KIAA1958: variants seen among roughly 807,000 people sequenced by gnomAD.
The protein encoded by KIAA1958 is KIAA1958.
A neutral mutation model predicts 47.2 loss-of-function variants in KIAA1958; 14 were observed. The ratio of observed to expected loss-of-function variants is 0.30; its 90% CI spans 0.20 to 0.46. The LOEUF (loss-of-function observed/expected upper bound fraction) is 0.46. Ranked by LOEUF, KIAA1958 falls within the 20% of genes least tolerant of loss-of-function variation. KIAA1958 has a pLI of 1.00. For synonymous variants in KIAA1958, 354 were observed against 353.3 expected (o/e 1.00, Z -0.02); for missense variants, 803 against 909.2 (o/e 0.88, Z 1.50).
At chr9:112,556,784 T>A (rs62568603) in intron 1 of KIAA1958, among the ~76,000 whole-genome samples, 15,603 of 152,186 alleles carry the variant, frequency 0.1, 1,240 homozygotes, top group East Asian at 0.19. Flanking sequence ...TCTGAATCAT[T>A]GCTATGCTTA....
intron 2 of KIAA1958, among the ~76,000 whole-genome samples, chr9:112,616,963 C>T (rs557920806): frequency 9.2e-5 from 14 of 152,348 alleles, no homozygotes; most frequent in Admixed American, 2.6e-4. Flanking sequence ...ACACCTGCTA[C>T]GTGGTAATCT....
intron 2 of KIAA1958, among the ~76,000 whole-genome samples, chr9:112,615,075 T>C (rs968872102): frequency 6.6e-6 from 1 of 152,192 alleles, no homozygotes; most frequent in Non-Finnish European, 1.5e-5. Flanking sequence ...TTTTTCAATA[T>C]GTTTCAATCA....
intron 2 of KIAA1958, among the ~76,000 whole-genome samples, chr9:112,591,858 T>C (rs571042722): frequency 5.9e-5 from 9 of 152,326 alleles, no homozygotes; most frequent in African/African-American, 2.2e-4. Context: ...ATATAAAATT[T>C]TCTTTTTAAT....
chr9:112,575,926 A>G (rs550611832), intron 2 of KIAA1958, among the ~76,000 whole-genome samples: 6 of 152,274 alleles, frequency 3.9e-5, no homozygotes, highest in Admixed American at 2.0e-4. Flanking sequence ...CTGACATTCA[A>G]TGTTTATTTA....
intron 2 of KIAA1958, among the ~76,000 whole-genome samples, chr9:112,586,486 A>G (rs1835824517): frequency 6.6e-6 from 1 of 152,180 alleles, no homozygotes. Flanking sequence ...CTGAGAAATT[A>G]TGTTTCAATA....
At chr9:112,557,378 G>A (rs1438518199) in intron 1 of KIAA1958, among the ~76,000 whole-genome samples, 2 of 152,178 alleles carry the variant, frequency 1.3e-5, no homozygotes, top group Non-Finnish European at 2.9e-5. Context: ...GGATCACAGA[G>A]CACAAAGATG....
At chr9:112,580,574 G>A (rs1835718908) in intron 2 of KIAA1958, among the ~76,000 whole-genome samples, 1 of 152,170 alleles carries the variant, frequency 6.6e-6, no homozygotes, top group Non-Finnish European at 1.5e-5. Flanking sequence ...ATCACCTGAG[G>A]TCAGGAGTTC....
At chr9:112,514,628 AG>A (rs1834382874) in intron 1 of KIAA1958, among the ~76,000 whole-genome samples, 1 of 8,654 alleles carries the variant, frequency 1.2e-4, no homozygotes, top group Non-Finnish European at 1.9e-4. Flanking sequence ...GGAGGGAGGT[AG>A]GGGGGTCAGC....
chr9:112,568,072 C>T (rs945024400), intron 1 of KIAA1958, among the ~76,000 whole-genome samples: 2 of 146,890 alleles, frequency 1.4e-5, no homozygotes, highest in Non-Finnish European at 3.0e-5. Context: ...AACATAAAAA[C>T]ACAGCAGAAC....
chr9:112,614,896 C>G (rs1836385327), intron 2 of KIAA1958, among the ~76,000 whole-genome samples: 1 of 152,142 alleles, frequency 6.6e-6, no homozygotes, highest in Non-Finnish European at 1.5e-5. Context: ...TGACAACATC[C>G]ACACCAGCAT....
chr9:112,612,474 T>A (rs1277584640), intron 2 of KIAA1958, among the ~76,000 whole-genome samples: 1 of 151,962 alleles, frequency 6.6e-6, no homozygotes, highest in African/African-American at 2.4e-5. Flanking sequence ...ATATCCAGAG[T>A]TCCTATAAAT....
Position 112,667,419 on chromosome 9 carries a change from T to C in KIAA1958, c.*7350T>C, listed in dbSNP as rs998284940. On this transcript the variant is annotated 3_prime_UTR_variant, in exon 4 of 4. Transcript: ENST00000337530. Reference sequence around the variant, plus strand: ...TGGTGAACCCCGTCTCTACTAAAAATACAAATATTAGCCGGGCATGGTAGC... The same window carrying C: ...TGGTGAACCCCGTCTCTACTAAAAACACAAATATTAGCCGGGCATGGTAGC... The C allele has an allele frequency of 6.6e-6, 1 of 152,018 alleles. No homozygotes were observed. Among genetic ancestry groups the C allele is most frequent in the Non-Finnish European group, 1.5e-5 (1 of 68,018 alleles). The allele number at this position is 152,018 out of a possible 1,614,324, so 9.4% of individuals were successfully genotyped here. A position where few individuals can be genotyped will look rare whatever the true frequency, so the allele number is the denominator to read the frequency against.
intron 2 of KIAA1958, among the ~76,000 whole-genome samples, chr9:112,599,083 A>T (rs908916206): frequency 6.6e-6 from 1 of 152,152 alleles, no homozygotes; most frequent in African/African-American, 2.4e-5. Context: ...AAAAAAAAGG[A>T]AAGTAATATT....
intron 1 of KIAA1958, among the ~76,000 whole-genome samples, chr9:112,526,309 A>T (rs1481345987): frequency 1.3e-5 from 2 of 151,856 alleles, no homozygotes; most frequent in Admixed American, 1.3e-4. Flanking sequence ...ACTGAAGTGC[A>T]GTGGCACTGT....
chr9:112,527,936 CAAA>C (rs34568466), intron 1 of KIAA1958, among the ~76,000 whole-genome samples: 28 of 124,906 alleles, frequency 2.2e-4, no homozygotes, highest in Non-Finnish European at 2.4e-4. Flanking sequence ...GACCCTTTCT[CAAA>C]AAAAAAAAAA....
At chr9:112,545,839 T>TTTTTTTTTTTTTTTG (rs1835021894) in intron 1 of KIAA1958, among the ~76,000 whole-genome samples, 1 of 150,112 alleles carries the variant, frequency 6.7e-6, no homozygotes, top group Non-Finnish European at 1.5e-5. Flanking sequence ...TTTTTTTTTT[T>TTTTTTTTTTTTTTTG]TTTTTTTAGT....
At chr9:112,610,316 A>G (rs1836304543) in intron 2 of KIAA1958, among the ~76,000 whole-genome samples, 1 of 151,950 alleles carries the variant, frequency 6.6e-6, no homozygotes, top group South Asian at 2.1e-4. Context: ...AGAGGTTAGA[A>G]AAAAAGATTT....
intron 2 of KIAA1958, among the ~76,000 whole-genome samples, chr9:112,632,780 C>A (rs555436868): frequency 6.6e-6 from 1 of 152,080 alleles, no homozygotes; most frequent in South Asian, 2.1e-4. Context: ...TTGTTCAGTG[C>A]AGGATTTTCC....
chr9:112,510,574 A>G (rs763162544), intron 1 of KIAA1958, among the ~76,000 whole-genome samples: 15 of 152,178 alleles, frequency 9.9e-5, no homozygotes, highest in Non-Finnish European at 1.9e-4. Flanking sequence ...GGTTTCTCAG[A>G]TAAATGGGTT....
Sources: allele counts gnomAD v4.1 joint callset (sites outside exome capture counted in the v4.1 genomes callset), GRCh38; gene constraint gnomAD v4.1.1; transcripts MANE v1.5; gene names NCBI Gene and HGNC (gene_info 2026-07-23, HGNC 2026-07-21).